The following CSMD1 variants were observed in gnomAD, a reference collection of about 807,000 sequenced individuals.
CSMD1 encodes CUB and sushi domain-containing protein 1.
Under a neutral mutation model 417.5 loss-of-function variants are expected in CSMD1, and 213 were observed. That is an observed-to-expected ratio of 0.51 (90% CI 0.46 to 0.57). CSMD1 has a LOEUF of 0.57. CSMD1 is among the 20% of genes least tolerant of loss of function. The pLI, the probability that CSMD1 is intolerant of heterozygous loss-of-function variation, is 0.00. For synonymous variants in CSMD1, 2,862 were observed against 1,736.8 expected, an observed-to-expected ratio of 1.65 and a Z score of -16.11; for missense variants, 6,923 against 4,529.7, an observed-to-expected ratio of 1.53 and a Z score of -15.17.
chr8:3,299,950 T>G (rs1041850225), intron 25 of CSMD1, among the ~76,000 whole-genome samples: 3 of 152,166 alleles, frequency 2.0e-5, no homozygotes, highest in African/African-American at 4.8e-5. Context: ...AATTGAAATG[T>G]GCAAACATAG....
intron 3 of CSMD1, among the ~76,000 whole-genome samples, chr8:4,284,960 C>G (rs1253557000): frequency 1.3e-5 from 2 of 152,114 alleles, no homozygotes; most frequent in Admixed American, 1.3e-4. Context: ...GCAAAGTAAC[C>G]TCACCTCACC....
At chr8:3,366,463 A>T (rs1809572668) in intron 20 of CSMD1, among the ~76,000 whole-genome samples, 1 of 152,244 alleles carries the variant, frequency 6.6e-6, no homozygotes, top group Non-Finnish European at 1.5e-5. Context: ...GCTGTAACAT[A>T]AACCTTATGC....
chr8:4,373,406 TAAC>T (rs777944887), intron 3 of CSMD1, among the ~76,000 whole-genome samples: 3 of 152,294 alleles, frequency 2.0e-5, no homozygotes, highest in African/African-American at 4.8e-5. Context: ...TATAAAATGT[TAAC>T]AACAGAGGAG....
chr8:4,185,266 C>A lies in CSMD1; in HGVS notation c.416-153167G>T, dbSNP rs78115638. Among the ~76,000 whole-genome samples the A allele has an allele frequency of 8.1e-3, 1,232 of 151,892 alleles. 43 individuals carry two copies. The East Asian group carries it at 0.11, about 13-fold the overall frequency. On this transcript the variant is annotated intron_variant, in intron 3 of 69. Coordinates refer to ENST00000635120, the MANE Select transcript of CSMD1 (RefSeq NM_033225.6). ...AATCCTGGCCCTACCCCTTGCAATT[C>A]GTCATGATCTTGGGCAAATTGTTTA...
At chr8:3,322,602 C>A (rs1211337488) in intron 23 of CSMD1, among the ~76,000 whole-genome samples, 1 of 152,138 alleles carries the variant, frequency 6.6e-6, no homozygotes, top group Non-Finnish European at 1.5e-5. Flanking sequence ...ATGTATAATG[C>A]ACCAGGTTCC....
chr8:4,486,435 G>C (rs1201402243), intron 2 of CSMD1, among the ~76,000 whole-genome samples: 2 of 150,860 alleles, frequency 1.3e-5, no homozygotes, highest in Non-Finnish European at 1.5e-5. Context: ...TTATAATATA[G>C]TTGTGAACTA....
chr8:3,052,730 A>T, intron 49 of CSMD1, 83 bp from the exon 50 acceptor site: 3 of 908,970 alleles, frequency 3.3e-6, no homozygotes, highest in South Asian at 2.3e-5. Context: ...ATTAATCATT[A>T]TTATTGACTC....
chr8:4,622,159 G>A (rs1479898257), intron 2 of CSMD1, among the ~76,000 whole-genome samples: 2 of 149,644 alleles, frequency 1.3e-5, no homozygotes, highest in African/African-American at 5.0e-5. Flanking sequence ...ACGCAAAGAG[G>A]GGTAAAGAGA....
At chr8:4,984,179 T>G (rs1045483810) in intron 1 of CSMD1, among the ~76,000 whole-genome samples, 3 of 152,162 alleles carry the variant, frequency 2.0e-5, no homozygotes, top group African/African-American at 7.2e-5. Flanking sequence ...CTGGAGGTCA[T>G]TAGAAAAACT....
intron 5 of CSMD1, among the ~76,000 whole-genome samples, chr8:3,896,604 C>A (rs996863910): frequency 1.3e-5 from 2 of 151,940 alleles, no homozygotes; most frequent in Non-Finnish European, 2.9e-5. Flanking sequence ...CTCTGCCTCC[C>A]AGGTTCACGC....
chr8:4,218,193 A>C (rs1286788595), intron 3 of CSMD1, among the ~76,000 whole-genome samples: 2 of 152,012 alleles, frequency 1.3e-5, no homozygotes, highest in East Asian at 1.9e-4. Context: ...ATTCCTAATC[A>C]CTCTTGTTGG....
chr8:3,522,030 T>C (rs970462270), intron 10 of CSMD1, among the ~76,000 whole-genome samples: 3 of 152,242 alleles, frequency 2.0e-5, no homozygotes, highest in South Asian at 2.1e-4. Context: ...TCAATTACAT[T>C]AGAGTATTGC....
chr8:3,433,075 A>G (rs556998013), intron 12 of CSMD1, among the ~76,000 whole-genome samples: 49 of 152,346 alleles, frequency 3.2e-4, no homozygotes, highest in African/African-American at 1.2e-3. Flanking sequence ...CCTAGTTTTT[A>G]AAAGTTATAA....
chr8:4,975,025 G>C (rs1280382047), intron 1 of CSMD1, among the ~76,000 whole-genome samples: 1 of 152,108 alleles, frequency 6.6e-6, no homozygotes, highest in East Asian at 1.9e-4. Context: ...AGCTCTACTA[G>C]AAGGCATTCA....
intron 6 of CSMD1, among the ~76,000 whole-genome samples, chr8:3,742,573 G>T (rs540289383): frequency 1.3e-5 from 2 of 152,058 alleles, no homozygotes; most frequent in African/African-American, 2.4e-5. Flanking sequence ...GTGACGCATT[G>T]CCTCTGCCCC....
chr8:4,638,728 G>C lies in CSMD1; in HGVS notation c.86-1170C>G, dbSNP rs181992544. ...GCCCTCCCTTAAGAACTTCCCTTTG[G>C]CAGGTGGAATTGGGATCACCCTGAG... On this transcript the variant is annotated intron_variant, in intron 1 of 69. Transcript: ENST00000635120. Among the ~76,000 whole-genome samples the C allele has an allele frequency of 3.3e-5, 5 of 152,310 alleles. No homozygotes were observed. The East Asian group carries it at 9.7e-4, about 29-fold the overall frequency.
At chr8:4,108,521 A>G (rs1358009975) in intron 3 of CSMD1, among the ~76,000 whole-genome samples, 3 of 152,168 alleles carry the variant, frequency 2.0e-5, no homozygotes, top group Non-Finnish European at 4.4e-5. Flanking sequence ...TAATTTGATA[A>G]TTTATTTGTA....
chr8:4,354,658 C>T (rs1403628967), intron 3 of CSMD1, among the ~76,000 whole-genome samples: 3 of 151,962 alleles, frequency 2.0e-5, no homozygotes, highest in East Asian at 3.9e-4. Context: ...AACATCTATG[C>T]AGAATTTAAA....
At chr8:4,454,438 C>G (rs1799347957) in intron 2 of CSMD1, among the ~76,000 whole-genome samples, 1 of 152,198 alleles carries the variant, frequency 6.6e-6, no homozygotes, top group Admixed American at 6.5e-5. Context: ...CTACCCTAGT[C>G]TGGCTACACC....
Sources: allele counts gnomAD v4.1 joint callset (sites outside exome capture counted in the v4.1 genomes callset), GRCh38; gene constraint gnomAD v4.1.1; transcripts MANE v1.5; gene names NCBI Gene and HGNC (gene_info 2026-07-23, HGNC 2026-07-21).